DBF4B: variants seen among roughly 807,000 people sequenced by gnomAD.
The protein encoded by DBF4B is DBF4B-CDC7 kinase regulatory subunit.
In DBF4B, 49 loss-of-function variants were observed where a neutral mutation model predicts 53.4. The ratio of observed to expected loss-of-function variants is 0.92; its 90% CI spans 0.73 to 1.16. The LOEUF is 1.16. Among genes scored for constraint, DBF4B ranks in the 50% most tolerant of loss-of-function variants. DBF4B has a pLI of 0.00. For missense variants in DBF4B, 692 were observed against 775.0 expected, an observed-to-expected ratio of 0.89 and a Z score of 1.27; for synonymous variants, 257 against 288.7, an observed-to-expected ratio of 0.89 and a Z score of 1.11.
Position 44,749,948 on chromosome 17 carries a change from G to A in DBF4B, c.1190-647G>A. On this transcript the variant is annotated intron_variant, in intron 13 of 13. Coordinates refer to ENST00000315005, the MANE Select transcript of DBF4B (RefSeq NM_145663.3). This position sits in a 1 kb window ranked among gnomAD's most constrained non-coding sequence, Gnocchi z 4.4. The stretch of plus-strand genomic sequence containing the variant: ...CATATGAAGCAGAGGAGGGGCTTGG[G>A]CTGCACCACTCACAGAGCTCCCTCC... 9.9e-7 allele frequency: 1 copy of A among 1,014,876 alleles called. No individual in the cohort carries two copies. Among genetic ancestry groups the A allele is most frequent in the Non-Finnish European group, 1.2e-6 (1 of 847,092 alleles). 62.9% of individuals were successfully genotyped at this position (1,014,876 alleles called of 1,614,324 possible).
chr17:44,723,065 A>G (rs775539956), intron 3 of DBF4B, 43 bp downstream of exon 3: 2 of 1,610,704 alleles, frequency 1.2e-6, no homozygotes, highest in Non-Finnish European at 1.7e-6. Context: ...GTGCCTTTGC[A>G]GGCTTAGAGC....
chr17:44,713,553 G>A (rs1206559256), intron 2 of DBF4B, among the ~76,000 whole-genome samples: 2 of 151,946 alleles, frequency 1.3e-5, no homozygotes, highest in African/African-American at 2.4e-5. Context: ...GGGAGACTGA[G>A]GCAGGAGAAT....
chr17:44,722,000 G>A (rs908447536), intron 2 of DBF4B, among the ~76,000 whole-genome samples: 1 of 152,024 alleles, frequency 6.6e-6, no homozygotes, highest in Non-Finnish European at 1.5e-5. Flanking sequence ...CAGGCATGGT[G>A]GTGCATGCCT....
chr17:44,745,194 A>G (rs1370886586), intron 10 of DBF4B, among the ~76,000 whole-genome samples: 1 of 152,150 alleles, frequency 6.6e-6, no homozygotes, highest in Non-Finnish European at 1.5e-5. Context: ...GACCTCCCAA[A>G]GTGCAGGGAT....
At chr17:44,741,784 T>TG (rs1976057609) in intron 10 of DBF4B, among the ~76,000 whole-genome samples, 1 of 152,202 alleles carries the variant, frequency 6.6e-6, no homozygotes, top group Non-Finnish European at 1.5e-5. Flanking sequence ...ACCCCTGGCC[T>TG]GCACTGTTTC....
chr17:44,725,808 CT>C (rs1974279126), intron 3 of DBF4B, among the ~76,000 whole-genome samples: 1 of 151,020 alleles, frequency 6.6e-6, no homozygotes, highest in Non-Finnish European at 1.5e-5. Context: ...CCGCCTCAGT[CT>C]CCCTGTAGCT....
At position 44,751,391 on chromosome 17, in the gene DBF4B, G is replaced by T; in HGVS notation, c.*138G>T. ...CCAGCCCCCTTTCCACATCGCACCA[G>T]ATGACTTTTACCCAGACCCAGTGGG... On this transcript the variant is annotated 3_prime_UTR_variant, in exon 14 of 14. Coordinates refer to ENST00000315005, the MANE Select transcript of DBF4B (RefSeq NM_145663.3). 7.0e-7 allele frequency: 1 copy of T among 1,437,370 alleles called. No individual in the cohort carries two copies. Among genetic ancestry groups the T allele is most frequent in the Non-Finnish European group, 9.1e-7 (1 of 1,100,754 alleles). 89.0% of individuals were successfully genotyped at this position (1,437,370 alleles called of 1,614,324 possible). A position where few individuals can be genotyped will look rare whatever the true frequency, so the allele number is the denominator to read the frequency against.
At chr17:44,720,104 C>T in intron 2 of DBF4B, 1 of 273,990 alleles carries the variant, frequency 3.6e-6, no homozygotes, top group Non-Finnish European at 7.2e-6. Context: ...CCAAGACCAG[C>T]TGCTTCAGGA....
At chr17:44,748,779 A>T in intron 13 of DBF4B, 1 of 1,316,982 alleles carries the variant, frequency 7.6e-7, no homozygotes, top group Non-Finnish European at 9.9e-7. Flanking sequence ...TTTTTGTCCC[A>T]ATAGCCCCCA....
intron 1 of DBF4B, chr17:44,709,063 G>A: frequency 1.3e-6 from 1 of 772,378 alleles, no homozygotes; most frequent in Non-Finnish European, 2.1e-6. Context: ...TGGAGATTGA[G>A]ATGGACAGGA....
At chr17:44,721,129 G>A (rs1225823542) in intron 2 of DBF4B, among the ~76,000 whole-genome samples, 1 of 151,848 alleles carries the variant, frequency 6.6e-6, no homozygotes, top group Non-Finnish European at 1.5e-5. Flanking sequence ...GCCTCCCAAA[G>A]TACTGGGATA....
At chr17:44,745,680 G>A (rs1186803893) in intron 10 of DBF4B, among the ~76,000 whole-genome samples, 1 of 152,202 alleles carries the variant, frequency 6.6e-6, no homozygotes, top group Non-Finnish European at 1.5e-5. Flanking sequence ...TTCAATATGA[G>A]ATTTGGGTGG....
chr17:44,708,848 G>C lies in DBF4B; in HGVS notation c.19+9G>C. 2 of 1,551,376 alleles carry C rather than the reference G, an allele frequency of 1.3e-6. No individual in the cohort carries two copies. Among genetic ancestry groups the C allele is most frequent in the Non-Finnish European group, 1.7e-6 (2 of 1,146,920 alleles). On this transcript the variant is annotated intron_variant, in intron 1 of 13. Coordinates refer to ENST00000315005, the MANE Select transcript of DBF4B (RefSeq NM_145663.3). ...GAGCGAACCGGGAAAGGGTACGGAT[G>C]CCGGGAAGGGGAGAAAGAAAGGCGG...
rs1404870235 is a variant in DBF4B at position 44,738,393 on chromosome 17, GC to G, written c.686del (p.Pro229ArgfsTer159). The G allele has an allele frequency of 1.9e-6, 3 of 1,613,824 alleles. No homozygotes were observed. The highest frequency in any genetic ancestry group is 1.1e-5 in the South Asian group (1 of 91,038). Reference protein sequence around the residue: ...SRTRKVARLKAPFLKIEDESR... With the variant: ...SRTRKVARLKXPFLKIEDESR... The stretch of plus-strand genomic sequence containing the variant: ...TCCCCTTTCAGTGGCCAGACTGAAG[GC>G]CCCGTTCCTCAAAATCGAAGATGAA... On this transcript the variant is annotated frameshift_variant, in exon 9 of 14. Coordinates refer to ENST00000315005, the MANE Select transcript of DBF4B (RefSeq NM_145663.3). LOFTEE classifies it high-confidence loss of function.
chr17:44,738,352 C>T (rs1243942455), intron 8 of DBF4B, 27 bp from the exon 9 acceptor site: 2 of 1,610,588 alleles, frequency 1.2e-6, no homozygotes, highest in South Asian at 1.1e-5. Flanking sequence ...AGACAGATAG[C>T]TGATGTGTGC....
intron 1 of DBF4B, 104 bp downstream of exon 1, chr17:44,708,943 G>A: frequency 6.8e-6 from 10 of 1,481,106 alleles, no homozygotes; most frequent in Non-Finnish European, 8.2e-6. Context: ...CAGCGGGTAG[G>A]TGCCGAAGCT....
intron 2 of DBF4B, chr17:44,719,787 TC>T (rs1973663548): frequency 2.7e-5 from 6 of 218,472 alleles, no homozygotes. Flanking sequence ...GAGGATAAAT[TC>T]CATTCGTTAG....
intron 6 of DBF4B, chr17:44,733,026 G>T (rs969433207): frequency 6.6e-6 from 1 of 151,542 alleles, no homozygotes; most frequent in African/African-American, 2.4e-5. Context: ...TCAGCCGGGC[G>T]TGGTGGCGGG....
At chr17:44,712,823 C>A (rs1456546358) in intron 2 of DBF4B, among the ~76,000 whole-genome samples, 1 of 151,520 alleles carries the variant, frequency 6.6e-6, no homozygotes, top group East Asian at 1.9e-4. Flanking sequence ...GATCTGCCCA[C>A]CTCGGCCTCC....
Sources: allele counts gnomAD v4.1 joint callset (sites outside exome capture counted in the v4.1 genomes callset), GRCh38; gene constraint gnomAD v4.1.1; non-coding constraint Gnocchi (gnomAD v3.1); transcripts MANE v1.5; gene names NCBI Gene and HGNC (gene_info 2026-07-23, HGNC 2026-07-21).